NQO2: variants seen among roughly 807,000 people sequenced by gnomAD.
The protein encoded by NQO2 is N-ribosyldihydronicotinamide:quinone dehydrogenase 2.
A neutral mutation model predicts 22.0 loss-of-function variants in NQO2; 18 were observed. The observed-to-expected ratio is 0.82, with a 90% CI of 0.56 to 1.21. The LOEUF is 1.21. NQO2 is among the 50% of genes most tolerant of loss of function. The pLI, the probability that NQO2 is intolerant of heterozygous loss-of-function variation, is 0.00. For missense variants in NQO2, 267 were observed against 286.9 expected (o/e 0.93, Z 0.50); for synonymous variants, 106 against 110.8 (o/e 0.96, Z 0.28).
chr6:3,008,931 G>C (rs955957971), intron 2 of NQO2, among the ~76,000 whole-genome samples: 18 of 152,164 alleles, frequency 1.2e-4, no homozygotes, highest in African/African-American at 4.3e-4. Context: ...AAAGCAAATG[G>C]AGGCAGGGCG....
rs1004975603 is a variant in NQO2, at chr6:3,004,434, T to C, written c.-85-2034T>C. The C allele has an allele frequency of 3.9e-5, 38 of 985,858 alleles. No homozygotes were observed. In the African/African-American group the frequency reaches 6.3e-4, roughly 16 times the overall value. The allele number at this position is 985,858 out of a possible 1,614,324, so 61.1% of individuals were successfully genotyped here. On this transcript the variant is annotated intron_variant, in intron 1 of 6. Coordinates refer to ENST00000380455, the MANE Select transcript of NQO2 (RefSeq NM_000904.6). Reference sequence around the variant, plus strand: ...CAGTGCCCCACTCTGTTAAGTCCCATGCCTGCCCCCAACTCAGCTTCAGCC... The same window carrying C: ...CAGTGCCCCACTCTGTTAAGTCCCACGCCTGCCCCCAACTCAGCTTCAGCC...
rs749194480 is a variant in NQO2, at chr6:3,004,666, C to G, written c.-85-1802C>G. On this transcript the variant is annotated intron_variant, in intron 1 of 6. Transcript: ENST00000380455. ...TTCCAGTCCTGGTGGGGATAAGCACCACTTTTGTGTGTCTCTGTGCTTTTT... is the reference window on the plus strand; with the variant it reads ...TTCCAGTCCTGGTGGGGATAAGCACGACTTTTGTGTGTCTCTGTGCTTTTT... 5.6e-5 allele frequency: 55 copies of G among 984,690 alleles called. No homozygotes were observed. The Middle Eastern group carries it at 1.5e-3, about 28-fold the overall frequency. The allele number at this position is 984,690 out of a possible 1,614,324, so 61.0% of individuals were successfully genotyped here.
chr6:3,018,436 C>T (rs1581338166), intron 6 of NQO2, among the ~76,000 whole-genome samples: 1 of 152,172 alleles, frequency 6.6e-6, no homozygotes, highest in Non-Finnish European at 1.5e-5. Flanking sequence ...ACCTGAGAGA[C>T]GGAGGTTGCA....
At chr6:3,012,856 C>CCACTTCACCTAGTTACAA (rs1283566926) in intron 4 of NQO2, among the ~76,000 whole-genome samples, 182 bp downstream of exon 4, 8 of 151,602 alleles carry the variant, frequency 5.3e-5, no homozygotes, top group Admixed American at 1.3e-4. Flanking sequence ...CCTAGTTACA[C>CCACTTCACCTAGTTACAA]CACTTCACCT....
rs1278678972 is a variant in NQO2 at position 3,006,473 on chromosome 6, T to C, written c.-80T>C. 1 of 1,608,534 alleles carries C rather than the reference T, an allele frequency of 6.2e-7. No individual in the cohort carries two copies. Among genetic ancestry groups the C allele is most frequent in the Admixed American group, 1.7e-5 (1 of 59,046 alleles). ...GGGTTCGTTTTGTCTTCCAGATTGC[T>C]GGACTCGCTGAAGAGAGACTACGCA... On this transcript the variant is annotated 5_prime_UTR_variant, in exon 2 of 7. Coordinates refer to ENST00000380455, the MANE Select transcript of NQO2 (RefSeq NM_000904.6). The surrounding 1 kb of genome is among the most constrained non-coding windows in gnomAD (Gnocchi z 4.0).
intron 1 of NQO2, among the ~76,000 whole-genome samples, chr6:3,002,922 T>G (rs978354513): frequency 2.0e-5 from 3 of 152,062 alleles, no homozygotes; most frequent in African/African-American, 7.2e-5. Context: ...CCTGGCTAAT[T>G]TTTAAAAATC....
At chr6:3,010,457 A>G (rs1175419521) in intron 3 of NQO2, among the ~76,000 whole-genome samples, 1 of 151,884 alleles carries the variant, frequency 6.6e-6, no homozygotes, top group African/African-American at 2.4e-5. Context: ...CCCTCCCCAC[A>G]AACTACCCAG....
chr6:3,001,090 CTTTTTTTT>C (rs66489312), intron 1 of NQO2, among the ~76,000 whole-genome samples: 1 of 114,226 alleles, frequency 8.8e-6, no homozygotes, highest in South Asian at 2.7e-4. Flanking sequence ...CTTTCTTTTT[CTTTTTTTT>C]TTTTTTTTGA....
intron 4 of NQO2, among the ~76,000 whole-genome samples, chr6:3,012,922 A>G (rs994952881): frequency 6.8e-6 from 1 of 146,290 alleles, no homozygotes; most frequent in African/African-American, 2.5e-5. Flanking sequence ...ACTACTTTAA[A>G]CACTGTACGT....
chr6:3,012,442 G>T, intron 3 of NQO2, 102 bp from the exon 4 acceptor site: 1 of 1,516,638 alleles, frequency 6.6e-7, no homozygotes, highest in South Asian at 1.3e-5. Flanking sequence ...AAATGTCTTT[G>T]ACTTGTCTGA....
At chr6:3,017,024 A>G in intron 6 of NQO2, 39 bp downstream of exon 6, 1 of 1,604,346 alleles carries the variant, frequency 6.2e-7, no homozygotes, top group Non-Finnish European at 8.5e-7. Context: ...TTGTTGGCAC[A>G]CGCACACACA....
At chr6:3,017,041 C>T (rs1757353526) in intron 6 of NQO2, 56 bp downstream of exon 6, 2 of 1,575,326 alleles carry the variant, frequency 1.3e-6, no homozygotes, top group Non-Finnish European at 1.7e-6. Flanking sequence ...CACAGACACA[C>T]ACATGCACAC....
At chr6:3,015,252 C>T in intron 4 of NQO2, 2 of 1,421,634 alleles carry the variant, frequency 1.4e-6, no homozygotes, top group South Asian at 1.2e-5. Flanking sequence ...ACGCACAGCT[C>T]CTCGTCCCCT....
chr6:3,008,305 G>C (rs1232599138), intron 2 of NQO2, among the ~76,000 whole-genome samples: 1 of 151,950 alleles, frequency 6.6e-6, no homozygotes, highest in Non-Finnish European at 1.5e-5. Flanking sequence ...TGTAATCCCA[G>C]CTACTCAGGA....
chr6:3,003,753 A>T, intron 1 of NQO2: 1 of 873,470 alleles, frequency 1.1e-6, no homozygotes, highest in Non-Finnish European at 1.4e-6. Context: ...CCTCTCCCAC[A>T]TTCTCCGGTG....
chr6:3,011,031 A>G lies in NQO2; in HGVS notation c.172+842A>G, dbSNP rs78394657. Reference sequence around the variant, plus strand: ...TAATAAAAATGAAAACAAGTCAGACATAGAAGACTGAAATAAATAGATGTC... The same window carrying G: ...TAATAAAAATGAAAACAAGTCAGACGTAGAAGACTGAAATAAATAGATGTC... On this transcript the variant is annotated intron_variant, in intron 3 of 6. Coordinates refer to ENST00000380455, the MANE Select transcript of NQO2 (RefSeq NM_000904.6). Among the ~76,000 whole-genome samples the G allele has an allele frequency of 7.2e-4, 109 of 152,358 alleles. 1 individual carries two copies. In the Middle Eastern group the frequency reaches 0.01, roughly 14 times the overall value.
Position 3,006,269 on chromosome 6 carries a change from GA to G in NQO2, c.-85-193del, listed in dbSNP as rs1000538816. ...AAGGTTCAGAGTCCTCTCAAAAAAG[GA>G]AAAAAGTATGGGTTTTGACATCCTG... is the stretch of plus-strand genomic sequence containing the variant. On this transcript the variant is annotated intron_variant, in intron 1 of 6. Transcript: ENST00000380455. The surrounding 1 kb of genome is among the most constrained non-coding windows in gnomAD (Gnocchi z 4.0). 1.0e-5 allele frequency: 10 copies of G among 958,286 alleles called. No homozygotes were observed. Among genetic ancestry groups the G allele is most frequent in the African/African-American group, 5.3e-5 (3 of 56,632 alleles). The allele number at this position is 958,286 out of a possible 1,614,324, so 59.4% of individuals were successfully genotyped here. A position where few individuals can be genotyped will look rare whatever the true frequency, so the allele number is the denominator to read the frequency against.
At position 3,016,852 on chromosome 6, in the gene NQO2, C is replaced by T. The variant is rs772540118; in HGVS notation, c.418-32C>T. ...CAACATTTCTGTCCTCTTCTGGAGT[C>T]CACACAAATGCATCTGCTTTCTCCC... On this transcript the variant is annotated intron_variant, in intron 5 of 6. Transcript: ENST00000380455. The T allele has an allele frequency of 3.1e-6, 5 of 1,610,496 alleles. No individual in the cohort carries two copies. In the South Asian group the frequency reaches 5.5e-5, roughly 18 times the overall value.
At position 3,012,585 on chromosome 6, in the gene NQO2, A is replaced by G; in HGVS notation, c.214A>G (p.Thr72Ala). Residue 72 changes from threonine to alanine, a missense_variant, in exon 4 of 7, where the codon ACC (threonine) becomes GCC (alanine). Thr to Ala is a moderately conservative substitution (Grantham distance 58, BLOSUM62 0). Coordinates refer to ENST00000380455, the MANE Select transcript of NQO2 (RefSeq NM_000904.6). ...NPEVFNYGVE[T>A]HEAYKQRSLA... Reference sequence around the variant, plus strand: ...TGAGGTTTTCAATTATGGAGTGGAAACCCACGAAGCCTACAAGCAAAGGTC... The same window carrying G: ...TGAGGTTTTCAATTATGGAGTGGAAGCCCACGAAGCCTACAAGCAAAGGTC... The G allele has an allele frequency of 6.2e-7, 1 of 1,614,068 alleles. No homozygotes were observed. The highest frequency in any genetic ancestry group is 8.5e-7 in the Non-Finnish European group (1 of 1,180,018).
Sources: gnomAD v4.1 joint callset for allele counts (sites outside exome capture counted in the v4.1 genomes callset) on GRCh38, gnomAD v4.1.1 for gene constraint, Gnocchi (gnomAD v3.1) non-coding constraint, MANE v1.5 for transcripts, NCBI Gene and HGNC (gene_info 2026-07-23, HGNC 2026-07-21) for gene names.